KRT5: variants seen among roughly 807,000 people sequenced by gnomAD.
The protein encoded by KRT5 is keratin 5, also known as keratin, type II cytoskeletal 5.
In KRT5, 17 loss-of-function variants were observed where a neutral mutation model predicts 44.0. The observed-to-expected ratio is 0.39, with a 90% CI of 0.26 to 0.58. The LOEUF (loss-of-function observed/expected upper bound fraction) is 0.58. Ranked by LOEUF, KRT5 falls within the 20% of genes least tolerant of loss-of-function variation. The pLI is 0.61. For synonymous variants in KRT5, 329 were observed against 312.8 expected (o/e 1.05, Z -0.55); for missense variants, 737 against 785.5 (o/e 0.94, Z 0.74).
intron 1 of KRT5, 183 bp downstream of exon 1, chr12:52,519,559 C>G (rs1322791545): frequency 4.2e-6 from 3 of 719,588 alleles, no homozygotes; most frequent in Non-Finnish European, 7.2e-6. Context: ...AAATAATTCT[C>G]CCTTCCCAGC....
At chr12:52,519,189 G>A in intron 1 of KRT5, 29 bp from the exon 2 acceptor site, 1 of 1,613,662 alleles carries the variant, frequency 6.2e-7, no homozygotes, top group Non-Finnish European at 8.5e-7. Flanking sequence ...TGAAGATAGA[G>A]AAACTTGGAT....
intron 8 of KRT5, 124 bp downstream of exon 8, chr12:52,515,674 A>G: frequency 1.2e-6 from 1 of 813,206 alleles, no homozygotes; most frequent in Admixed American, 1.9e-5. Flanking sequence ...TACTAAGTGT[A>G]TTATTATAAA....
intron 1 of KRT5, 89 bp from the exon 2 acceptor site, chr12:52,519,249 CCTCTAAAG>C: frequency 6.4e-7 from 1 of 1,554,346 alleles, no homozygotes; most frequent in Non-Finnish European, 8.8e-7. Flanking sequence ...TCTTTCCGTC[CCTCTAAAG>C]CTTTTCTGTG....
At position 52,519,115 on chromosome 12, in the gene KRT5, T is replaced by C; in HGVS notation, c.601A>G (p.Thr201Ala). The C allele has an allele frequency of 6.2e-7, 1 of 1,614,130 alleles. No individual in the cohort carries two copies. The highest frequency in any genetic ancestry group is 8.5e-7 in the Non-Finnish European group (1 of 1,180,006). Residue 201 changes from threonine to alanine, a missense_variant, in exon 2 of 9, where the codon ACC (threonine) becomes GCC (alanine). This residue lies in a region of KRT5 where 326 missense variants were observed against 333.1 expected (regional missense o/e 0.98). Coordinates refer to ENST00000252242, the MANE Select transcript of KRT5 (RefSeq NM_000424.4). ...QQNKVLDTKW[T>A]LLQEQGTKTV... ...TTGGTGCCCTGCTCCTGCAGCAGGG[T>C]CCACTTGGTGTCCAGAACCTTGTTC...
At chr12:52,517,038 A>G (rs1405104811) in intron 6 of KRT5, 69 bp downstream of exon 6, 1 of 1,601,960 alleles carries the variant, frequency 6.2e-7, no homozygotes, top group East Asian at 2.2e-5. Context: ...AGTAAAACAA[A>G]ATAAAACAAA....
At position 52,517,973 on chromosome 12, in the gene KRT5, A is replaced by T; in HGVS notation, c.851T>A (p.Met284Lys). 6.2e-7 allele frequency: 1 copy of T among 1,614,160 alleles called. No homozygotes were observed. The highest frequency in any genetic ancestry group is 8.5e-7 in the Non-Finnish European group (1 of 1,179,960). Residue 284 changes from methionine to lysine, a missense_variant, in exon 4 of 9, where the codon ATG becomes AAG. Met to Lys is a moderately conservative substitution (Grantham distance 95, BLOSUM62 -1). This residue lies in a region of KRT5 where 59 missense variants were observed against 62.5 expected (regional missense o/e 0.94). Coordinates refer to ENST00000252242, the MANE Select transcript of KRT5 (RefSeq NM_000424.4). ...MLKKDVDAAY[M>K]NKVELEAKVD... ...CTTGGCCTCCAGCTCCACCTTGTTC[A>T]TGTAGGCAGCATCTACATCCTGGGG...
Position 52,514,809 on chromosome 12 carries a change from G to T in KRT5, c.*133C>A. 1 of 763,136 alleles carries T rather than the reference G, an allele frequency of 1.3e-6. No homozygotes were observed. Among genetic ancestry groups the T allele is most frequent in the Non-Finnish European group, 2.2e-6 (1 of 450,118 alleles). The allele number at this position is 763,136 out of a possible 1,614,324, so 47.3% of individuals were successfully genotyped here. A position where few individuals can be genotyped will look rare whatever the true frequency, so the allele number is the denominator to read the frequency against. On this transcript the variant is annotated 3_prime_UTR_variant, in exon 9 of 9. Coordinates refer to ENST00000252242, the MANE Select transcript of KRT5 (RefSeq NM_000424.4). ...GGGGCTCTCCTGGGAACCAAAGAAT[G>T]TGGTTCTGCAATTGGCTTGGTCTAG...
chr12:52,518,497 T>TAAA, intron 2 of KRT5: 3 of 445,296 alleles, frequency 6.7e-6, no homozygotes, highest in Non-Finnish European at 1.3e-5. Context: ...TCAGAGGCTT[T>TAAA]AAAAAAAAAA....
intron 7 of KRT5, 62 bp from the exon 8 acceptor site, chr12:52,515,894 T>C: frequency 7.4e-7 from 1 of 1,358,552 alleles, no homozygotes; most frequent in Admixed American, 1.7e-5. Context: ...TTAGTCTATG[T>C]GGCTAACTCC....
At position 52,517,510 on chromosome 12, in the gene KRT5, C is replaced by T. The variant is rs1204572567; in HGVS notation, c.1092+80G>A. 3.4e-6 allele frequency: 5 copies of T among 1,478,744 alleles called. No homozygotes were observed. The African/African-American group carries it at 6.9e-5, about 20-fold the overall frequency. The allele number at this position is 1,478,744 out of a possible 1,614,324, so 91.6% of individuals were successfully genotyped here. On this transcript the variant is annotated intron_variant, in intron 5 of 8. Coordinates refer to ENST00000252242, the MANE Select transcript of KRT5 (RefSeq NM_000424.4). Reference sequence around the variant, plus strand: ...GGGCTTCAGCAGGTTCCAGGAGCCCCATTCTTAGTGTCGTCATGGCCTAGA... The same window carrying T: ...GGGCTTCAGCAGGTTCCAGGAGCCCTATTCTTAGTGTCGTCATGGCCTAGA...
intron 1 of KRT5, 56 bp downstream of exon 1, chr12:52,519,686 C>G: frequency 6.6e-7 from 1 of 1,526,036 alleles, no homozygotes; most frequent in East Asian, 2.2e-5. Context: ...TTCTTTCTCT[C>G]TCTTTGGCAT....
At position 52,514,903 on chromosome 12, in the gene KRT5, G is replaced by T; in HGVS notation, c.*39C>A. On this transcript the variant is annotated 3_prime_UTR_variant, in exon 9 of 9. Coordinates refer to ENST00000252242, the MANE Select transcript of KRT5 (RefSeq NM_000424.4). ...TAGAAGAGGCAATCTCCATGGGCTG[G>T]GTTGCTGCACTTGGAAGGCAGTGAC... The T allele has an allele frequency of 6.4e-7, 1 of 1,562,096 alleles. No homozygotes were observed. The highest frequency in any genetic ancestry group is 8.8e-7 in the Non-Finnish European group (1 of 1,133,438).
At position 52,515,059 on chromosome 12, in the gene KRT5, G is replaced by A; in HGVS notation, c.1656C>T (p.Gly552=). The change falls in exon 9 of 9, where the codon GGC becomes GGT. Residue 552 remains glycine, a synonymous_variant. Coordinates refer to ENST00000252242, the MANE Select transcript of KRT5 (RefSeq NM_000424.4). ...LGGGLSVGGS[G]FSASSGRGLG... ...GCCCTCGGCCACTGCTTGCACTGAA[G>A]CCAGAGCCCCCCACACTGAGCCCAC... 1 of 1,608,424 alleles carries A rather than the reference G, an allele frequency of 6.2e-7. No homozygotes were observed. Among genetic ancestry groups the A allele is most frequent in the Non-Finnish European group, 8.5e-7 (1 of 1,178,152 alleles).
Position 52,515,218 on chromosome 12 carries a change from G to A in KRT5, c.1497C>T (p.Ser499=), listed in dbSNP as rs2120469762. 2 of 1,609,104 alleles carry A rather than the reference G, an allele frequency of 1.2e-6. No homozygotes were observed. The highest frequency in any genetic ancestry group is 1.6e-4 in the Middle Eastern group (1 of 6,062). Residue 499 remains serine (S), a synonymous_variant, in exon 9 of 9, where the codon TCC becomes TCT. Coordinates refer to ENST00000252242, the MANE Select transcript of KRT5 (RefSeq NM_000424.4). Reference sequence around the variant, plus strand: ...AGCCACTGCCACTGCCATATCCAGAGGAAACACTGCTTGTGACAACAGCTG... The same window carrying A: ...AGCCACTGCCACTGCCATATCCAGAAGAAACACTGCTTGTGACAACAGCTG... ...VNISVVTSSV[S]SGYGSGSGYG... is the part of the protein sequence containing the mutation.
chr12:52,517,522 C>G (rs759295856), intron 5 of KRT5, 68 bp downstream of exon 5: 2 of 1,538,216 alleles, frequency 1.3e-6, no homozygotes, highest in Non-Finnish European at 1.8e-6. Flanking sequence ...TTCTTAGTGT[C>G]GTCATGGCCT....
intron 1 of KRT5, 159 bp downstream of exon 1, chr12:52,519,583 C>G: frequency 2.4e-6 from 2 of 836,852 alleles, no homozygotes; most frequent in Non-Finnish European, 4.0e-6. Flanking sequence ...CAGTCTAATT[C>G]AGAACGTGTC....
At chr12:52,516,427 C>A in intron 7 of KRT5, 1 of 602,358 alleles carries the variant, frequency 1.7e-6, no homozygotes, top group Admixed American at 2.5e-5. Context: ...TGGAGGACAG[C>A]CAGTGCCCAG....
intron 1 of KRT5, 44 bp from the exon 2 acceptor site, chr12:52,519,204 T>C: frequency 2.5e-6 from 4 of 1,612,320 alleles, no homozygotes; most frequent in Non-Finnish European, 3.4e-6. Flanking sequence ...TTGGATTTCA[T>C]GTTCTATGAT....
chr12:52,516,504 C>A, intron 7 of KRT5, 133 bp downstream of exon 7: 1 of 943,670 alleles, frequency 1.1e-6, no homozygotes, highest in Non-Finnish European at 1.7e-6. Flanking sequence ...ATGAGTCAGA[C>A]TGAAATAGTG....
Sources: gnomAD v4.1 joint callset for allele counts on GRCh38, gnomAD v4.1.1 for gene constraint, gnomAD v4.1.1 regional missense constraint, MANE v1.5 for transcripts, NCBI Gene and HGNC (gene_info 2026-07-23, HGNC 2026-07-21) for gene names.